Variants in ARHGEF28 observed in about 807,000 individuals in gnomAD.
ARHGEF28 encodes Rho guanine nucleotide exchange factor 28, also known as 190 kDa guanine nucleotide exchange factor.
A neutral mutation model predicts 206.6 loss-of-function variants in ARHGEF28; 152 were observed. The ratio of observed to expected loss-of-function variants is 0.74; its 90% confidence interval spans 0.64 to 0.84. The LOEUF (loss-of-function observed/expected upper bound fraction) is 0.84. Among genes scored for constraint, ARHGEF28 ranks in the 40% least tolerant of loss-of-function variants. The pLI is 0.00. For missense variants in ARHGEF28, 2,028 were observed against 2,073.2 expected (o/e 0.98, Z 0.42); for synonymous variants, 763 against 776.4 (o/e 0.98, Z 0.29).
At chr5:73,633,935 G>A (rs1203129313) in intron 1 of ARHGEF28, among the ~76,000 whole-genome samples, 1 of 151,948 alleles carries the variant, frequency 6.6e-6, no homozygotes, top group Non-Finnish European at 1.5e-5. Context: ...CTCAAAATTA[G>A]TTTCTTTTTA....
intron 35 of ARHGEF28, among the ~76,000 whole-genome samples, chr5:73,916,461 G>A (rs282406): frequency 0.083 from 12,644 of 152,178 alleles, 567 homozygotes; most frequent in South Asian, 0.2. Flanking sequence ...CTAGAATTAG[G>A]GATCAAGGTG....
chr5:73,832,384 G>C lies in ARHGEF28; in HGVS notation c.1071G>C (p.Leu357Phe). 6.2e-7 allele frequency: 1 copy of C among 1,612,580 alleles called. No homozygotes were observed. Among genetic ancestry groups the C allele is most frequent in the Non-Finnish European group, 8.5e-7 (1 of 1,179,260 alleles). The change falls in exon 10 of 36, where the codon TTG becomes TTC. Residue 357 changes from leucine to phenylalanine, a missense_variant. By Grantham distance (22) the Leu-to-Phe change is conservative. Transcript: ENST00000513042. The stretch of plus-strand genomic sequence containing the variant: ...AAAAATCCAAGCCGCCCTCGACATT[G>C]CTTGCTGCAGGCCGGCTTTCAGACA... ...ILKKSKPPSTLLAAGRLSDML... is the reference protein window; with the variant it reads ...ILKKSKPPSTFLAAGRLSDML...
chr5:73,721,419 G>A (rs962217806), intron 2 of ARHGEF28, among the ~76,000 whole-genome samples: 19 of 152,196 alleles, frequency 1.2e-4, no homozygotes, highest in African/African-American at 4.6e-4. Flanking sequence ...CCTGTTGAAT[G>A]TGCAAATAGG....
chr5:73,640,371 A>G (rs910272326), intron 1 of ARHGEF28, among the ~76,000 whole-genome samples: 12 of 152,226 alleles, frequency 7.9e-5, no homozygotes, highest in Admixed American at 6.5e-4. Flanking sequence ...AGTATCTTTC[A>G]TACTTCTTAC....
At chr5:73,698,381 T>G (rs1043420045) in intron 2 of ARHGEF28, among the ~76,000 whole-genome samples, 1 of 152,178 alleles carries the variant, frequency 6.6e-6, no homozygotes, top group Non-Finnish European at 1.5e-5. Flanking sequence ...TATTCTATGT[T>G]GTTATTGTTG....
intron 4 of ARHGEF28, among the ~76,000 whole-genome samples, chr5:73,759,984 CGTGGCTTGTGGTTTT>C (rs1752518854): frequency 6.6e-6 from 1 of 152,134 alleles, no homozygotes; most frequent in South Asian, 2.1e-4. Flanking sequence ...TGAAATGGAG[CGTGGCTTGTGGTTTT>C]ATCTTTGAAT....
intron 14 of ARHGEF28, among the ~76,000 whole-genome samples, chr5:73,853,634 G>C (rs1383453891): frequency 6.6e-6 from 1 of 152,154 alleles, no homozygotes; most frequent in Non-Finnish European, 1.5e-5. Context: ...TGATGATCAA[G>C]TTGACTTCGT....
At chr5:73,812,382 T>G (rs1755894574) in intron 9 of ARHGEF28, among the ~76,000 whole-genome samples, 1 of 152,216 alleles carries the variant, frequency 6.6e-6, no homozygotes, top group South Asian at 2.1e-4. Flanking sequence ...ATCCTCATAT[T>G]GTATGTTTCC....
At chr5:73,920,563 TTTTTG>T (rs1763463972) in intron 35 of ARHGEF28, among the ~76,000 whole-genome samples, 1 of 148,042 alleles carries the variant, frequency 6.8e-6, no homozygotes, top group Admixed American at 6.7e-5. Flanking sequence ...TTTTTTTTTT[TTTTTG>T]AGACGGAGTC....
At chr5:73,742,623 G>GA (rs1167627995) in intron 2 of ARHGEF28, among the ~76,000 whole-genome samples, 1 of 151,088 alleles carries the variant, frequency 6.6e-6, no homozygotes, top group Admixed American at 6.6e-5. Flanking sequence ...AGGAGATCGA[G>GA]ACCATCCTGG....
intron 2 of ARHGEF28, among the ~76,000 whole-genome samples, chr5:73,741,873 A>AT (rs1486527852): frequency 6.6e-6 from 1 of 151,960 alleles, no homozygotes; most frequent in Non-Finnish European, 1.5e-5. Flanking sequence ...ATCCTTGTCA[A>AT]TTTTTTGCTT....
chr5:73,845,378 C>T (rs1207034223), intron 11 of ARHGEF28, among the ~76,000 whole-genome samples: 3 of 152,042 alleles, frequency 2.0e-5, no homozygotes, highest in East Asian at 3.9e-4. Flanking sequence ...TGGGACATTG[C>T]ACGACTCACT....
At chr5:73,762,168 T>G (rs1252081260) in intron 4 of ARHGEF28, among the ~76,000 whole-genome samples, 1 of 151,858 alleles carries the variant, frequency 6.6e-6, no homozygotes, top group Non-Finnish European at 1.5e-5. Flanking sequence ...AAAAAATCTA[T>G]TTTGAGGCTG....
At chr5:73,925,347 T>C (rs1373620473) in intron 35 of ARHGEF28, among the ~76,000 whole-genome samples, 2 of 152,236 alleles carry the variant, frequency 1.3e-5, no homozygotes, top group African/African-American at 2.4e-5. Context: ...CAACCTTTTG[T>C]ACATGTGTTT....
At chr5:73,791,709 C>CCCT (rs1754494439) in intron 7 of ARHGEF28, among the ~76,000 whole-genome samples, 1 of 152,182 alleles carries the variant, frequency 6.6e-6, no homozygotes, top group South Asian at 2.1e-4. Flanking sequence ...AGCGACTTAA[C>CCCT]CCTGTTCACT....
intron 2 of ARHGEF28, among the ~76,000 whole-genome samples, chr5:73,723,263 G>T (rs993995825): frequency 3.3e-5 from 5 of 151,984 alleles, no homozygotes; most frequent in Non-Finnish European, 7.4e-5. Flanking sequence ...ATCTTGGCTC[G>T]CTGCAACCTC....
intron 4 of ARHGEF28, among the ~76,000 whole-genome samples, chr5:73,772,279 A>G (rs58082867): frequency 0.084 from 12,780 of 152,130 alleles, 1,723 homozygotes; most frequent in African/African-American, 0.28. Context: ...ATTGCCTACT[A>G]TGGTATGGGA....
chr5:73,800,507 T>C (rs78019132), intron 9 of ARHGEF28, among the ~76,000 whole-genome samples: 3,121 of 152,218 alleles, frequency 0.021, 124 homozygotes, highest in African/African-American at 0.07. Flanking sequence ...GCTATTATTG[T>C]TTGTTACTAA....
chr5:73,807,045 T>G (rs1208350304), intron 9 of ARHGEF28, among the ~76,000 whole-genome samples: 3 of 150,216 alleles, frequency 2.0e-5, no homozygotes, highest in Non-Finnish European at 4.4e-5. Context: ...GGTTTTTTTT[T>G]TTTTTTTTGA....
Sources: allele counts gnomAD v4.1 joint callset (sites outside exome capture counted in the v4.1 genomes callset), GRCh38; gene constraint gnomAD v4.1.1; transcripts MANE v1.5; gene names NCBI Gene and HGNC (gene_info 2026-07-23, HGNC 2026-07-21).